The following CNTNAP2 variants were observed in gnomAD, a reference collection of about 807,000 sequenced individuals.
CNTNAP2 encodes contactin-associated protein-like 2.
CNTNAP2 carries 98 observed loss-of-function variants against 155.2 expected under a neutral mutation model. That is an observed-to-expected ratio of 0.63 (90% CI 0.54 to 0.75). The LOEUF is 0.75. Among genes scored for constraint, CNTNAP2 ranks in the 30% least tolerant of loss-of-function variants. The pLI, the probability that CNTNAP2 is intolerant of heterozygous loss-of-function variation, is 0.00. For missense variants in CNTNAP2, 1,727 were observed against 1,688.1 expected (o/e 1.02, Z -0.40); for synonymous variants, 651 against 631.2 (o/e 1.03, Z -0.47).
At chr7:146,157,185 A>G (rs1222154819) in intron 1 of CNTNAP2, among the ~76,000 whole-genome samples, 5 of 152,076 alleles carry the variant, frequency 3.3e-5, no homozygotes, top group Non-Finnish European at 7.4e-5. Flanking sequence ...CCAAACATCT[A>G]GATCTTAGGT....
chr7:147,379,000 A>G (rs1406084863), intron 9 of CNTNAP2, among the ~76,000 whole-genome samples: 2 of 152,024 alleles, frequency 1.3e-5, no homozygotes, highest in East Asian at 1.9e-4. Context: ...TATTCTCACA[A>G]TAGTGAGTGA....
intron 21 of CNTNAP2, among the ~76,000 whole-genome samples, chr7:148,369,180 C>CT (rs1798839919): frequency 9.5e-6 from 1 of 105,146 alleles, no homozygotes; most frequent in African/African-American, 3.7e-5. Flanking sequence ...AAATTGAATC[C>CT]CTTTTTTTTT....
chr7:147,141,589 G>T (rs1028630382), intron 8 of CNTNAP2, among the ~76,000 whole-genome samples: 6 of 152,022 alleles, frequency 3.9e-5, no homozygotes, highest in Non-Finnish European at 8.8e-5. Context: ...TAACTCACCA[G>T]GGCCCCTTTC....
At chr7:147,438,382 G>A (rs1797585927) in intron 10 of CNTNAP2, among the ~76,000 whole-genome samples, 1 of 151,770 alleles carries the variant, frequency 6.6e-6, no homozygotes, top group Non-Finnish European at 1.5e-5. Context: ...TACGGTTTTG[G>A]CCTTCATTCT....
intron 20 of CNTNAP2, among the ~76,000 whole-genome samples, chr7:148,241,993 T>C (rs989560563): frequency 6.6e-6 from 1 of 152,248 alleles, no homozygotes; most frequent in Non-Finnish European, 1.5e-5. Context: ...CTCTCTTTCT[T>C]TCTCCAGAAT....
chr7:146,543,481 C>T (rs890806837), intron 1 of CNTNAP2, among the ~76,000 whole-genome samples: 3 of 151,820 alleles, frequency 2.0e-5, no homozygotes, highest in Non-Finnish European at 4.4e-5. Context: ...CTGTTCTTGA[C>T]CTTCATGTGA....
At chr7:147,335,762 T>C (rs1795653958) in intron 9 of CNTNAP2, among the ~76,000 whole-genome samples, 1 of 152,212 alleles carries the variant, frequency 6.6e-6, no homozygotes, top group South Asian at 2.1e-4. Context: ...ATATTTTAGA[T>C]TTCACAGCAT....
chr7:147,207,081 C>T (rs1803037680), intron 8 of CNTNAP2, among the ~76,000 whole-genome samples: 1 of 152,182 alleles, frequency 6.6e-6, no homozygotes, highest in African/African-American at 2.4e-5. Context: ...ACTTCCTTCA[C>T]TCCACCTTCA....
chr7:147,766,822 C>G (rs1174132557), intron 13 of CNTNAP2, among the ~76,000 whole-genome samples: 3 of 152,104 alleles, frequency 2.0e-5, no homozygotes, highest in East Asian at 3.9e-4. Context: ...TCCTGTATCC[C>G]TCATCTGTTC....
intron 8 of CNTNAP2, among the ~76,000 whole-genome samples, chr7:147,269,801 C>T (rs746620026): frequency 4.5e-4 from 69 of 152,204 alleles, no homozygotes; most frequent in Middle Eastern, 3.4e-3. Flanking sequence ...TACCTGTAAT[C>T]CTAGCTACTT....
At chr7:147,190,958 G>T (rs1158226590) in intron 8 of CNTNAP2, among the ~76,000 whole-genome samples, 1 of 152,086 alleles carries the variant, frequency 6.6e-6, no homozygotes, top group Non-Finnish European at 1.5e-5. Context: ...GGTTTCCAAA[G>T]GACTATATTC....
intron 21 of CNTNAP2, among the ~76,000 whole-genome samples, chr7:148,268,876 C>T (rs1435420010): frequency 6.6e-6 from 1 of 151,840 alleles, no homozygotes. Context: ...AATTTGAACT[C>T]AGGCAATCAG....
At chr7:147,172,076 T>C (rs962219113) in intron 8 of CNTNAP2, among the ~76,000 whole-genome samples, 21 of 152,224 alleles carry the variant, frequency 1.4e-4, no homozygotes, top group African/African-American at 5.1e-4. Context: ...ACTGGTTCAT[T>C]GTAATTTCCA....
chr7:147,503,358 G>A (rs1042503996), intron 11 of CNTNAP2, among the ~76,000 whole-genome samples: 1 of 152,090 alleles, frequency 6.6e-6, no homozygotes, highest in African/African-American at 2.4e-5. Context: ...TGTCCACATT[G>A]ATCCAGTACA....
At chr7:147,933,056 GGTTTGTTT>G (rs71527856) in intron 14 of CNTNAP2, among the ~76,000 whole-genome samples, 66,344 of 145,080 alleles carry the variant, frequency 0.46, 16,618 homozygotes, top group Middle Eastern at 0.71. Context: ...TATTTGAGGG[GGTTTGTTT>G]GTTTGTTTGT....
chr7:147,120,457 T>A (rs1801081715), intron 5 of CNTNAP2, among the ~76,000 whole-genome samples: 1 of 152,138 alleles, frequency 6.6e-6, no homozygotes, highest in East Asian at 1.9e-4. Context: ...GACACTGACT[T>A]TATAACAAAC....
intron 3 of CNTNAP2, among the ~76,000 whole-genome samples, chr7:146,958,196 G>C (rs1797475701): frequency 6.6e-6 from 1 of 152,058 alleles, no homozygotes; most frequent in East Asian, 1.9e-4. Flanking sequence ...ACGTGACATA[G>C]GGAAGAAAAC....
intron 1 of CNTNAP2, among the ~76,000 whole-genome samples, chr7:146,697,104 A>G (rs1800794775): frequency 6.6e-6 from 1 of 152,200 alleles, no homozygotes; most frequent in Non-Finnish European, 1.5e-5. Context: ...GTCTTCAACC[A>G]TAATAGTGGG....
At chr7:146,799,634 T>C (rs1802838253) in intron 2 of CNTNAP2, among the ~76,000 whole-genome samples, 2 of 152,238 alleles carry the variant, frequency 1.3e-5, no homozygotes, top group Non-Finnish European at 2.9e-5. Flanking sequence ...ACTGTAGCTA[T>C]ACTTTATTAC....
Sources: allele counts gnomAD v4.1 joint callset (sites outside exome capture counted in the v4.1 genomes callset), GRCh38; gene constraint gnomAD v4.1.1; transcripts MANE v1.5; gene names NCBI Gene and HGNC (gene_info 2026-07-23, HGNC 2026-07-21).